NRXN3: variants seen among roughly 807,000 people sequenced by gnomAD.
NRXN3 encodes the protein neurexin III.
NRXN3 carries 32 observed loss-of-function variants against 137.6 expected under a neutral mutation model. The observed-to-expected ratio is 0.23, with a 90% CI of 0.18 to 0.31. The LOEUF is 0.31. NRXN3 is among the 10% of genes least tolerant of loss of function. The pLI is 1.00. For synonymous variants in NRXN3, 798 were observed against 784.5 expected, an observed-to-expected ratio of 1.02 and a Z score of -0.29; for missense variants, 1,574 against 2,062.5, an observed-to-expected ratio of 0.76 and a Z score of 4.59.
intron 16 of NRXN3, among the ~76,000 whole-genome samples, chr14:79,515,707 T>C (rs2096976787): frequency 6.6e-6 from 1 of 152,198 alleles, no homozygotes; most frequent in Non-Finnish European, 1.5e-5. Flanking sequence ...TAAACCTCCA[T>C]AATTCTGTAG....
chr14:78,802,704 G>A (rs1389374762), intron 8 of NRXN3, among the ~76,000 whole-genome samples: 2 of 152,178 alleles, frequency 1.3e-5, no homozygotes, highest in East Asian at 3.9e-4. Context: ...CCAGCACTTT[G>A]GGAGGCCAAG....
At chr14:79,580,747 A>G (rs1384160845) in intron 16 of NRXN3, among the ~76,000 whole-genome samples, 1 of 152,170 alleles carries the variant, frequency 6.6e-6, no homozygotes, top group East Asian at 1.9e-4. Context: ...TTTGGCTTAA[A>G]AAAAAGTCTC....
chr14:78,235,677 A>C (rs1003960555), intron 1 of NRXN3, among the ~76,000 whole-genome samples: 2 of 151,996 alleles, frequency 1.3e-5, no homozygotes, highest in Non-Finnish European at 2.9e-5. Context: ...CGCTTTCAGC[A>C]CAATATAAAC....
intron 15 of NRXN3, among the ~76,000 whole-genome samples, chr14:79,010,674 A>G (rs1594879209): frequency 2.0e-5 from 3 of 152,238 alleles, no homozygotes; most frequent in Admixed American, 6.5e-5. Flanking sequence ...AATTTTAGCT[A>G]CAATGATGGG....
At chr14:79,470,847 G>A (rs1352427979) in intron 16 of NRXN3, among the ~76,000 whole-genome samples, 2 of 150,308 alleles carry the variant, frequency 1.3e-5, no homozygotes, top group African/African-American at 4.9e-5. Flanking sequence ...TCCAAAATTA[G>A]CCAGCGGTGT....
chr14:79,232,288 G>C (rs949751333), intron 15 of NRXN3, among the ~76,000 whole-genome samples: 1 of 152,010 alleles, frequency 6.6e-6, no homozygotes, highest in African/African-American at 2.4e-5. Context: ...GTGTGTGTGC[G>C]TGCTCCAAGT....
intron 16 of NRXN3, among the ~76,000 whole-genome samples, chr14:79,565,513 G>A (rs1459087310): frequency 6.6e-6 from 1 of 151,806 alleles, no homozygotes; most frequent in Admixed American, 6.6e-5. Context: ...TGCCTATTGA[G>A]TCAAAATTTG....
rs905289118 is a variant in NRXN3 at position 78,978,717 on chromosome 14, A to G, written c.3143-9305A>G. On this transcript the variant is annotated intron_variant, in intron 14 of 20. Transcript: ENST00000335750. ...TATAGGATATATGCATCTTATATAT[A>G]ATATATAAAATATATATTATTTAGA... 5.4e-5 allele frequency among the ~76,000 whole-genome samples: 8 copies of G among 148,012 alleles called. No individual in the cohort carries two copies. The Admixed American group carries it at 5.4e-4, about 10-fold the overall frequency.
chr14:78,233,078 GA>G (rs992140635), intron 1 of NRXN3, among the ~76,000 whole-genome samples: 1 of 152,208 alleles, frequency 6.6e-6, no homozygotes, highest in Non-Finnish European at 1.5e-5. Context: ...GTAGTAGGTG[GA>G]AAAGAGACTG....
At chr14:79,852,622 A>G (rs2099394143) in intron 20 of NRXN3, among the ~76,000 whole-genome samples, 1 of 151,438 alleles carries the variant, frequency 6.6e-6, no homozygotes, top group Non-Finnish European at 1.5e-5. Context: ...AAATAAAGAA[A>G]ACGTAAAATT....
At position 79,130,460 on chromosome 14, in the gene NRXN3, A is replaced by G. The variant is rs1379929186; in HGVS notation, c.3262+142319A>G. 1.1e-4 allele frequency among the ~76,000 whole-genome samples: 16 copies of G among 152,004 alleles called. 1 individual carries two copies. In the South Asian group the frequency reaches 2.9e-3, roughly 28 times the overall value. ...TGAAGCTTAGTTTGGCTGGATATGA[A>G]ATTCTGGGTTGAAAATTCTTTTCTT... On this transcript the variant is annotated intron_variant, in intron 15 of 20. Transcript: ENST00000335750.
rs541845289 is a variant in NRXN3 at position 78,188,307 on chromosome 14, T to G, written c.-704+17633T>G. Among the ~76,000 whole-genome samples, 9 of 152,296 alleles carry G rather than the reference T, an allele frequency of 5.9e-5. No homozygotes were observed. In the East Asian group the frequency reaches 1.5e-3, roughly 26 times the overall value. ...CAAGATCCCACAGTGTGAGGAGCCA[T>G]CTGAGATCAAGGTCATGGGATCTCC... On this transcript the variant is annotated intron_variant, in intron 1 of 20. Transcript: ENST00000335750.
intron 4 of NRXN3, among the ~76,000 whole-genome samples, chr14:78,631,195 AT>A (rs1430963893): frequency 1.3e-5 from 2 of 152,196 alleles, no homozygotes; most frequent in African/African-American, 4.8e-5. Flanking sequence ...CAGTAGCAAG[AT>A]ACATCTTTGC....
At chr14:78,230,907 G>A (rs533970024) in intron 1 of NRXN3, among the ~76,000 whole-genome samples, 1 of 152,296 alleles carries the variant, frequency 6.6e-6, no homozygotes, top group African/African-American at 2.4e-5. Context: ...AGGTCATTCT[G>A]ACTGCTGTAT....
chr14:78,835,461 G>T (rs867792085), intron 10 of NRXN3, among the ~76,000 whole-genome samples: 9 of 152,122 alleles, frequency 5.9e-5, no homozygotes, highest in Non-Finnish European at 1.3e-4. Flanking sequence ...TATTATCAGA[G>T]GCTATTAGGA....
chr14:78,715,230 C>T, intron 8 of NRXN3, 91 bp downstream of exon 8: 2 of 1,460,044 alleles, frequency 1.4e-6, no homozygotes, highest in South Asian at 2.6e-5. Flanking sequence ...TTCGCACCTA[C>T]CTGCACTTTC....
chr14:78,398,545 G>C (rs551557625), intron 4 of NRXN3, among the ~76,000 whole-genome samples: 1 of 152,154 alleles, frequency 6.6e-6, no homozygotes, highest in Non-Finnish European at 1.5e-5. Flanking sequence ...GTTGGGCAGA[G>C]TTTGGAGGTC....
intron 15 of NRXN3, among the ~76,000 whole-genome samples, chr14:79,054,494 A>T (rs2099651715): frequency 6.6e-6 from 1 of 152,018 alleles, no homozygotes; most frequent in East Asian, 1.9e-4. Flanking sequence ...ATAAGCAAAA[A>T]CTTTTCACAA....
chr14:79,715,462 G>A (rs957575063), intron 19 of NRXN3, among the ~76,000 whole-genome samples: 1 of 152,186 alleles, frequency 6.6e-6, no homozygotes, highest in Non-Finnish European at 1.5e-5. Flanking sequence ...GGAAGAGGTG[G>A]CATTTGAAAA....
Sources: allele counts gnomAD v4.1 joint callset (sites outside exome capture counted in the v4.1 genomes callset), GRCh38; gene constraint gnomAD v4.1.1; transcripts MANE v1.5; gene names NCBI Gene and HGNC (gene_info 2026-07-23, HGNC 2026-07-21).